The following CEP126 variants were observed in gnomAD, a reference collection of about 807,000 sequenced individuals.
The protein encoded by CEP126 is centrosomal protein 126.
In CEP126, 74 loss-of-function variants were observed where a neutral mutation model predicts 107.8. The observed-to-expected ratio is 0.69, with a 90% CI of 0.57 to 0.83. The LOEUF is 0.83. CEP126 is among the 40% of genes least tolerant of loss of function. The pLI is 0.00. For missense variants in CEP126, 1,237 were observed against 1,281.9 expected (o/e 0.96, Z 0.53); for synonymous variants, 449 against 446.0 (o/e 1.01, Z -0.08).
At chr11:101,995,108 G>A (rs1453588777) in intron 10 of CEP126, among the ~76,000 whole-genome samples, 1 of 152,034 alleles carries the variant, frequency 6.6e-6, no homozygotes, top group Non-Finnish European at 1.5e-5. Flanking sequence ...CCACTTACGA[G>A]TGAGAACATG....
intron 2 of CEP126, among the ~76,000 whole-genome samples, chr11:101,932,914 A>G (rs1940523409): frequency 6.6e-6 from 1 of 152,202 alleles, no homozygotes; most frequent in South Asian, 2.1e-4. Flanking sequence ...AAACAGATAC[A>G]TTATTAAATA....
chr11:101,962,158 C>T lies in CEP126; in HGVS notation c.1123C>T (p.Pro375Ser), dbSNP rs1486410594. Residue 375 changes from proline to serine, a missense_variant, in exon 6 of 11, where the codon CCC becomes TCC. By Grantham distance (74) the Pro-to-Ser change is moderately conservative (BLOSUM62 -1). Around this residue, in one of 3 missense-constraint regions of CEP126, gnomAD observed 1,134 missense variants for 1,150.5 expected, o/e 0.99. Coordinates refer to ENST00000263468, the MANE Select transcript of CEP126 (RefSeq NM_020802.4). ...NNSVPFVSSP[P>S]MFVLDKKCEK... The stretch of plus-strand genomic sequence containing the variant: ...TTCAGTACCCTTTGTATCTAGCCCA[C>T]CCATGTTTGTACTAGATAAAAAATG... 1.2e-6 allele frequency: 2 copies of T among 1,613,344 alleles called. No individual in the cohort carries two copies. Among genetic ancestry groups the T allele is most frequent in the Admixed American group, 1.7e-5 (1 of 59,886 alleles).
chr11:101,934,885 G>A (rs1264093546), intron 2 of CEP126, among the ~76,000 whole-genome samples: 2 of 152,032 alleles, frequency 1.3e-5, no homozygotes, highest in African/African-American at 4.8e-5. Context: ...TCTTTTTGTG[G>A]ATATACATTT....
At chr11:101,967,430 T>G (rs1204077746) in intron 6 of CEP126, among the ~76,000 whole-genome samples, 1 of 152,334 alleles carries the variant, frequency 6.6e-6, no homozygotes, top group African/African-American at 2.4e-5. Flanking sequence ...AATTATTTGC[T>G]TTTTCTCTGC....
At chr11:101,932,654 T>C (rs1218922415) in intron 2 of CEP126, among the ~76,000 whole-genome samples, 1 of 152,148 alleles carries the variant, frequency 6.6e-6, no homozygotes, top group Admixed American at 6.6e-5. Context: ...GAGCACTTTT[T>C]TTCCCCATTT....
At chr11:101,925,599 T>C (rs1176603525) in intron 2 of CEP126, among the ~76,000 whole-genome samples, 5 of 148,658 alleles carry the variant, frequency 3.4e-5, no homozygotes, top group Admixed American at 2.7e-4. Flanking sequence ...TGAAACCTCG[T>C]CTCTACTAAA....
chr11:101,928,524 TTTAG>T (rs1473431288), intron 2 of CEP126, among the ~76,000 whole-genome samples: 6 of 152,196 alleles, frequency 3.9e-5, no homozygotes, highest in Non-Finnish European at 5.9e-5. Flanking sequence ...GTGATCCAGT[TTTAG>T]TTAATCTTTC....
Position 101,963,693 on chromosome 11 carries a change from C to T in CEP126, c.2658C>T (p.Phe886=), listed in dbSNP as rs774738402. The T allele has an allele frequency of 6.8e-6, 11 of 1,613,910 alleles. No individual in the cohort carries two copies. Among genetic ancestry groups the T allele is most frequent in the South Asian group, 1.1e-5 (1 of 91,074 alleles). The change falls in exon 6 of 11, where the codon TTC becomes TTT. Residue 886 remains phenylalanine, a synonymous_variant. Transcript: ENST00000263468. The stretch of plus-strand genomic sequence containing the variant: ...ATTGTTCTTCAGAGTGCCAAACTTT[C>T]GCAAAAATAAATCATTCAAATGGCA... ...PSYCSSECQT[F]AKINHSNGTQ...
intron 8 of CEP126, among the ~76,000 whole-genome samples, chr11:101,985,428 G>A (rs138371947): frequency 6.0e-4 from 91 of 151,872 alleles, no homozygotes; most frequent in African/African-American, 1.8e-3. Flanking sequence ...GATGACAGGC[G>A]TATGCCACCA....
At chr11:101,957,476 G>A (rs1189097812) in intron 4 of CEP126, among the ~76,000 whole-genome samples, 1 of 152,098 alleles carries the variant, frequency 6.6e-6, no homozygotes, top group African/African-American at 2.4e-5. Context: ...AATTCTAATA[G>A]AAAATGATGT....
At position 101,950,371 on chromosome 11, in the gene CEP126, T is replaced by C. The variant is rs376294802; in HGVS notation, c.506+2229T>C. ...AGATCTTATGATGTTTAAATATGAA[T>C]ATTAAAGTGATGAGCAACAGAATCG... is the stretch of plus-strand genomic sequence containing the variant. On this transcript the variant is annotated intron_variant, in intron 4 of 10. Coordinates refer to ENST00000263468, the MANE Select transcript of CEP126 (RefSeq NM_020802.4). Among the ~76,000 whole-genome samples the C allele has an allele frequency of 1.4e-4, 22 of 152,280 alleles. 1 individual carries two copies. Among genetic ancestry groups the C allele is most frequent in the African/African-American group, 5.3e-4 (22 of 41,568 alleles).
intron 5 of CEP126, among the ~76,000 whole-genome samples, chr11:101,959,006 G>A (rs993631852): frequency 6.6e-6 from 1 of 152,164 alleles, no homozygotes; most frequent in African/African-American, 2.4e-5. Context: ...AGTGCAGGAT[G>A]TGATCTTGAA....
chr11:101,990,530 T>A (rs1377056230), intron 9 of CEP126, among the ~76,000 whole-genome samples: 1 of 151,876 alleles, frequency 6.6e-6, no homozygotes. Flanking sequence ...GGTCTAAAAT[T>A]CTCTTGTACA....
chr11:101,960,844 G>T (rs1415151211), intron 5 of CEP126, among the ~76,000 whole-genome samples: 1 of 151,852 alleles, frequency 6.6e-6, no homozygotes, highest in African/African-American at 2.4e-5. Context: ...TCAGCATTTT[G>T]ACTAGATATA....
rs1172180809 is a variant in CEP126 at position 101,962,871 on chromosome 11, T to C, written c.1836T>C (p.Ser612=). The C allele has an allele frequency of 2.5e-6, 4 of 1,609,182 alleles. No homozygotes were observed. In the Admixed American group the frequency reaches 5.1e-5, roughly 20 times the overall value. The change falls in exon 6 of 11, where the codon AGT becomes AGC. Residue 612 remains serine, a synonymous_variant. Transcript: ENST00000263468. The part of the protein sequence containing the change: ...GNQKAAAIRD[S]IELTKEKGAE... The stretch of plus-strand genomic sequence containing the variant: ...AAAAAGCAGCAGCTATCAGAGATAG[T>C]ATTGAATTAACAAAGGAAAAAGGTG...
At chr11:101,952,851 A>C (rs1448371095) in intron 4 of CEP126, among the ~76,000 whole-genome samples, 1 of 152,216 alleles carries the variant, frequency 6.6e-6, no homozygotes, top group Non-Finnish European at 1.5e-5. Context: ...TGGTATTCTT[A>C]GATTCAGCTA....
intron 8 of CEP126, among the ~76,000 whole-genome samples, chr11:101,984,794 G>A (rs1941296967): frequency 6.6e-6 from 1 of 152,136 alleles, no homozygotes; most frequent in Non-Finnish European, 1.5e-5. Flanking sequence ...CATCCCTAGA[G>A]GACCCACTTC....
At position 101,963,899 on chromosome 11, in the gene CEP126, C is replaced by A; in HGVS notation, c.2845+19C>A. On this transcript the variant is annotated intron_variant, in intron 6 of 10. Transcript: ENST00000263468. ...GCTACAGGTAAGAATAAATTTATAG[C>A]TTTTTATAGATAAAATGTACACCTT... 1.3e-6 allele frequency: 2 copies of A among 1,485,836 alleles called. No homozygotes were observed. The highest frequency in any genetic ancestry group is 9.2e-7 in the Non-Finnish European group (1 of 1,090,478). The allele number at this position is 1,485,836 out of a possible 1,614,324, so 92.0% of individuals were successfully genotyped here.
intron 3 of CEP126, among the ~76,000 whole-genome samples, chr11:101,945,121 AATG>A (rs966132803): frequency 6.6e-6 from 1 of 152,184 alleles, no homozygotes; most frequent in African/African-American, 2.4e-5. Context: ...TCAATAACAT[AATG>A]ATAATTGCTA....
Sources: gnomAD v4.1 joint callset for allele counts (sites outside exome capture counted in the v4.1 genomes callset) on GRCh38, gnomAD v4.1.1 for gene constraint, gnomAD v4.1.1 regional missense constraint, MANE v1.5 for transcripts, NCBI Gene and HGNC (gene_info 2026-07-23, HGNC 2026-07-21) for gene names.